The following TRIM36 variants were observed in gnomAD, a reference collection of about 807,000 sequenced individuals.
The protein encoded by TRIM36 is tripartite motif containing 36.
Under a neutral mutation model 72.4 loss-of-function variants are expected in TRIM36, and 42 were observed. The ratio of observed to expected loss-of-function variants is 0.58; its 90% CI spans 0.45 to 0.75. The LOEUF is 0.75. Among genes scored for constraint, TRIM36 ranks in the 30% least tolerant of loss-of-function variants. The probability of loss-of-function intolerance (pLI) is 0.00; values close to 1 mark genes in which losing one functional copy is unlikely to be tolerated. For missense variants in TRIM36, 913 were observed against 857.1 expected (o/e 1.07, Z -0.81); for synonymous variants, 315 against 282.8 (o/e 1.11, Z -1.14).
chr5:115,156,377 G>C (rs995602238), intron 2 of TRIM36, among the ~76,000 whole-genome samples: 2 of 151,898 alleles, frequency 1.3e-5, no homozygotes, highest in Non-Finnish European at 2.9e-5. Context: ...TAAGCAAAAA[G>C]AACAAATCTG....
intron 1 of TRIM36, among the ~76,000 whole-genome samples, chr5:115,165,232 T>C (rs943857575): frequency 1.3e-5 from 2 of 152,196 alleles, no homozygotes; most frequent in African/African-American, 4.8e-5. Context: ...TGGAGGACCA[T>C]GGTCCTCTTC....
intron 1 of TRIM36, 91 bp from the exon 2 acceptor site, chr5:115,163,843 T>C: frequency 9.7e-7 from 1 of 1,026,998 alleles, no homozygotes; most frequent in South Asian, 1.7e-5. Context: ...GTGTTTATTT[T>C]TCCAAAAAGA....
chr5:115,162,500 T>G (rs1240714384), intron 2 of TRIM36, among the ~76,000 whole-genome samples: 1 of 152,250 alleles, frequency 6.6e-6, no homozygotes, highest in Non-Finnish European at 1.5e-5. Context: ...GTTCTTCATA[T>G]GAATCACATA....
intron 3 of TRIM36, among the ~76,000 whole-genome samples, chr5:115,146,272 A>G (rs1355782987): frequency 6.6e-6 from 1 of 152,198 alleles, no homozygotes; most frequent in Non-Finnish European, 1.5e-5. Context: ...GAAATAGCTC[A>G]CAGTTTCAAA....
chr5:115,173,139 C>T (rs375235363), upstream of TRIM36, among the ~76,000 whole-genome samples: 1 of 152,178 alleles, frequency 6.6e-6, no homozygotes, highest in Admixed American at 6.5e-5. Flanking sequence ...GTTTCAGCAT[C>T]GAAATATCCC....
chr5:115,147,519 C>G (rs1057123250), intron 2 of TRIM36, 125 bp from the exon 3 acceptor site: 1 of 1,149,014 alleles, frequency 8.7e-7, no homozygotes, highest in Non-Finnish European at 1.2e-6. Context: ...CGAAGTGGCT[C>G]CACGTGAAAT....
intron 4 of TRIM36, among the ~76,000 whole-genome samples, chr5:115,142,770 A>G (rs1472534828): frequency 6.6e-6 from 1 of 152,236 alleles, no homozygotes; most frequent in Admixed American, 6.5e-5. Flanking sequence ...GGCATTGAAG[A>G]TTAAAATGTA....
intron 9 of TRIM36, among the ~76,000 whole-genome samples, chr5:115,127,796 CCTT>C (rs1319802657): frequency 1.3e-5 from 2 of 152,068 alleles, no homozygotes; most frequent in Non-Finnish European, 2.9e-5. Context: ...TAGACTTACT[CCTT>C]CTACTTATTT....
At chr5:115,155,686 T>A (rs1042201481) in intron 2 of TRIM36, among the ~76,000 whole-genome samples, 1 of 152,190 alleles carries the variant, frequency 6.6e-6, no homozygotes, top group Non-Finnish European at 1.5e-5. Context: ...AACCCATCTA[T>A]GACAAACCCA....
rs572845339 is a variant in TRIM36 at position 115,165,707 on chromosome 5, C to T, written c.28-1955G>A. On this transcript the variant is annotated intron_variant, in intron 1 of 9. Coordinates refer to ENST00000513154, the MANE Select transcript of TRIM36 (RefSeq NM_001300759.2). ...AACAGGCAGGAGCCCTTCTCCCTTC[C>T]GAGTTGGTGCGGAGGGAGCCCCATG... Among the ~76,000 whole-genome samples, 66 of 152,256 alleles carry T rather than the reference C, an allele frequency of 4.3e-4. 2 individuals are homozygous for T. In the South Asian group the frequency reaches 9.5e-3, roughly 22 times the overall value.
At chr5:115,173,566 G>A (rs989202255), upstream of TRIM36, among the ~76,000 whole-genome samples, 1 of 152,064 alleles carries the variant, frequency 6.6e-6, no homozygotes, top group African/African-American at 2.4e-5. Flanking sequence ...GTGTTGAAGA[G>A]CAGGAGTTAG....
At chr5:115,137,757 C>A in intron 5 of TRIM36, 141 bp from the exon 6 acceptor site, 2 of 952,478 alleles carry the variant, frequency 2.1e-6, no homozygotes, top group Non-Finnish European at 2.9e-6. Context: ...TTGATAAAAC[C>A]AACCTAGATA....
At chr5:115,137,157 T>C (rs771502822) in intron 6 of TRIM36, 33 bp from the exon 7 acceptor site, 1 of 1,543,722 alleles carries the variant, frequency 6.5e-7, no homozygotes, top group East Asian at 2.3e-5. Context: ...AAAATGTTTC[T>C]TTAAGAAGTC....
chr5:115,128,249 A>T (rs1752459699), intron 9 of TRIM36, among the ~76,000 whole-genome samples: 1 of 151,528 alleles, frequency 6.6e-6, no homozygotes, highest in Non-Finnish European at 1.5e-5. Flanking sequence ...CATGCCTGTA[A>T]TCCCAGCTAG....
intron 1 of TRIM36, among the ~76,000 whole-genome samples, chr5:115,166,096 G>T (rs537071362): frequency 2.0e-5 from 3 of 152,296 alleles, no homozygotes; most frequent in Non-Finnish European, 4.4e-5. Context: ...ACCATGAACA[G>T]CAGTGGGAGG....
chr5:115,154,356 T>C (rs1044743370), intron 2 of TRIM36, among the ~76,000 whole-genome samples: 5 of 150,136 alleles, frequency 3.3e-5, no homozygotes, highest in East Asian at 2.0e-4. Flanking sequence ...CTAAATGAAA[T>C]TGAAACAAAT....
intron 2 of TRIM36, among the ~76,000 whole-genome samples, chr5:115,152,873 C>T (rs1753969008): frequency 6.6e-6 from 1 of 152,122 alleles, no homozygotes; most frequent in Non-Finnish European, 1.5e-5. Context: ...AGCTCTAAAT[C>T]TTGAAACAAA....
chr5:115,169,805 G>C lies in TRIM36; in HGVS notation c.-171C>G, dbSNP rs1754998517. 1 of 1,319,934 alleles carries C rather than the reference G, an allele frequency of 7.6e-7. No homozygotes were observed. Among genetic ancestry groups the C allele is most frequent in the East Asian group, 3.0e-5 (1 of 32,810 alleles). The allele number at this position is 1,319,934 out of a possible 1,614,324, so 81.8% of individuals were successfully genotyped here. A position where few individuals can be genotyped will look rare whatever the true frequency, so the allele number is the denominator to read the frequency against. ...GACCGACGCGGGGAGAAGTAAGCCG[G>C]GGCAGGCAAAAGCACAGGCGCGGGA... On this transcript the variant is annotated 5_prime_UTR_variant, in exon 1 of 10. Coordinates refer to ENST00000513154, the MANE Select transcript of TRIM36 (RefSeq NM_001300759.2).
intron 2 of TRIM36, chr5:115,149,017 T>C (rs1753744819): frequency 1.3e-5 from 2 of 152,218 alleles, no homozygotes; most frequent in African/African-American, 2.4e-5. Flanking sequence ...GCATGCTATA[T>C]GGCATTGGGC....
Sources: gnomAD v4.1 joint callset for allele counts (sites outside exome capture counted in the v4.1 genomes callset) on GRCh38, gnomAD v4.1.1 for gene constraint, MANE v1.5 for transcripts, NCBI Gene and HGNC (gene_info 2026-07-23, HGNC 2026-07-21) for gene names.